The following ADH6 variants were observed in gnomAD, a reference collection of about 807,000 sequenced individuals.
ADH6 encodes alcohol dehydrogenase 6 (class V).
A neutral mutation model predicts 36.5 loss-of-function variants in ADH6; 34 were observed. The observed-to-expected ratio is 0.93, with a 90% CI of 0.71 to 1.24. The LOEUF is 1.24. ADH6 is among the 50% of genes most tolerant of loss of function. The probability of loss-of-function intolerance (pLI) is 0.00; values close to 1 mark genes in which losing one functional copy is unlikely to be tolerated. For synonymous variants in ADH6, 161 were observed against 155.5 expected, an observed-to-expected ratio of 1.04 and a Z score of -0.26; for missense variants, 440 against 447.0, an observed-to-expected ratio of 0.98 and a Z score of 0.14.
Position 99,208,758 on chromosome 4 carries a change from G to A in ADH6, c.738C>T (p.Asp246=). The A allele has an allele frequency of 1.2e-6, 2 of 1,613,826 alleles. No individual in the cohort carries two copies. Among genetic ancestry groups the A allele is most frequent in the East Asian group, 2.2e-5 (1 of 44,870 alleles). ...LGATECLNPQ[D]LKKPIQEVLF... The stretch of plus-strand genomic sequence containing the variant: ...AAACTTCTTGAATGGGTTTCTTTAA[G>A]TCCTGAGGGTTGAGGCACTCAGTAG... The change falls in exon 6 of 9, where the codon GAC becomes GAT. Residue 246 remains aspartate, a synonymous_variant. Coordinates refer to ENST00000394899, the MANE Select transcript of ADH6 (RefSeq NM_001102470.2).
rs1731304219 is a variant in ADH6, at chr4:99,213,672, T to C, written c.196A>G (p.Ile66Val). The C allele has an allele frequency of 7.4e-6, 12 of 1,614,008 alleles. No individual in the cohort carries two copies. Among genetic ancestry groups the C allele is most frequent in the Non-Finnish European group, 9.3e-6 (11 of 1,179,948 alleles). The change falls in exon 3 of 9, where the codon ATC becomes GTC. Residue 66 changes from isoleucine to valine, a missense_variant. Ile to Val is a conservative substitution (Grantham distance 29). Transcript: ENST00000394899. ...SKHLDLLYPT[I>V]LGHEGAGIVE... is the part of the protein sequence containing the mutation. ...ATTCCAGCCCCTTCATGGCCCAAGA[T>C]GGTGGGATACAAGAGGTCCAAGTGT...
chr4:99,204,892 C>T, intron 8 of ADH6, 33 bp downstream of exon 8: 1 of 1,585,318 alleles, frequency 6.3e-7, no homozygotes, highest in Non-Finnish European at 8.6e-7. Context: ...TGGTCTCAAA[C>T]ACACAGACAT....
In ADH6 at chr4:99,208,682, T is replaced by A; in HGVS notation, c.814A>T (p.Asn272Tyr). Residue 272 changes from asparagine (N) to tyrosine (Y), a missense_variant, in exon 6 of 9, where the codon AAT becomes TAT. By Grantham distance (143) the Asn-to-Tyr change is moderately radical. Coordinates refer to ENST00000394899, the MANE Select transcript of ADH6 (RefSeq NM_001102470.2). ...GIDFCFEAIG[N>Y]LDVLAAALAS... ...GGATTACATACCAGAACGTCCAGATTTCCAATGGCCTCAAAGCAGAAGTCT... is the reference window on the plus strand; with the variant it reads ...GGATTACATACCAGAACGTCCAGATATCCAATGGCCTCAAAGCAGAAGTCT... 6.2e-7 allele frequency: 1 copy of A among 1,613,006 alleles called. No individual in the cohort carries two copies. The highest frequency in any genetic ancestry group is 8.5e-7 in the Non-Finnish European group (1 of 1,179,474).
intron 6 of ADH6, among the ~76,000 whole-genome samples, chr4:99,207,820 G>A (rs1055085155): frequency 6.6e-6 from 1 of 151,884 alleles, no homozygotes. Context: ...TAACAAAAAT[G>A]AAAATAGTAA....
intron 3 of ADH6, among the ~76,000 whole-genome samples, chr4:99,211,847 G>A (rs1200974089): frequency 2.0e-5 from 3 of 152,058 alleles, no homozygotes; most frequent in African/African-American, 4.8e-5. Flanking sequence ...TCAGGGAGCC[G>A]ACCACTGGTG....
intron 6 of ADH6, 141 bp downstream of exon 6, chr4:99,208,527 A>G: frequency 1.1e-6 from 1 of 920,848 alleles, no homozygotes; most frequent in Non-Finnish European, 1.6e-6. Context: ...GAGTACACAG[A>G]CGGCACCAGC....
intron 1 of ADH6, among the ~76,000 whole-genome samples, chr4:99,217,733 T>C (rs1304089222): frequency 6.6e-6 from 1 of 152,156 alleles, no homozygotes; most frequent in African/African-American, 2.4e-5. Context: ...AGGTACCCAG[T>C]AGTGGGATTG....
rs981978567 is a variant in ADH6 at position 99,204,932 on chromosome 4, C to T, written c.1096G>A (p.Gly366Arg). The T allele has an allele frequency of 9.3e-6, 15 of 1,605,506 alleles. No homozygotes were observed. Among genetic ancestry groups the T allele is most frequent in the Non-Finnish European group, 1.3e-5 (15 of 1,176,456 alleles). ...TTTATGTGGGCAGTTTACCATTTTCCAGTTTTCATTAATTCAACTGCTTCA... is the reference window on the plus strand; with the variant it reads ...TTTATGTGGGCAGTTTACCATTTTCTAGTTTTCATTAATTCAACTGCTTCA... ...INEAVELMKT[G>R]KCIRCILLL Residue 366 changes from glycine to arginine, a missense_variant, in exon 8 of 9, where the codon GGA becomes AGA. Physicochemically the swap from Gly to Arg is moderately radical, Grantham distance 125. Transcript: ENST00000394899.
intron 6 of ADH6, 44 bp downstream of exon 6, chr4:99,208,623 GA>G: frequency 6.4e-7 from 1 of 1,557,076 alleles, no homozygotes; most frequent in Non-Finnish European, 8.7e-7. Context: ...TCTAAACGAT[GA>G]CTGGTAAAAG....
chr4:99,216,164 TATGCGAAC>T lies in ADH6; in HGVS notation c.109_116del (p.Val37LysfsTer18). ...TTTTTTTTTTTTTTTTTTTTACCTT[TATGCGAAC>T]TTCCTTTGCCTTTGGTGGGGCCACT... On this transcript the variant is annotated frameshift_variant, in exon 2 of 9. Coordinates refer to ENST00000394899, the MANE Select transcript of ADH6 (RefSeq NM_001102470.2). LOFTEE classifies it high-confidence loss of function. 1 of 1,464,222 alleles carries T rather than the reference TATGCGAAC, an allele frequency of 6.8e-7. No individual in the cohort carries two copies. The allele number at this position is 1,464,222 out of a possible 1,614,324, so 90.7% of individuals were successfully genotyped here. A position where few individuals can be genotyped will look rare whatever the true frequency, so the allele number is the denominator to read the frequency against.
intron 8 of ADH6, 135 bp downstream of exon 8, chr4:99,204,789 AC>A: frequency 7.5e-7 from 1 of 1,338,814 alleles, no homozygotes; most frequent in Non-Finnish European, 9.6e-7. Context: ...GAGATGCTTT[AC>A]AAATTCCTGA....
chr4:99,206,162 AGT>A lies in ADH6; in HGVS notation c.965-1101_965-1100del. ...TCTAGGACCACAGACGGGACTAGGC[AGT>A]GTTTCTCAACAAGGGCACTACTGGC... On this transcript the variant is annotated intron_variant, in intron 7 of 8. Coordinates refer to ENST00000394899, the MANE Select transcript of ADH6 (RefSeq NM_001102470.2). 5.3e-5 allele frequency among the ~76,000 whole-genome samples: 8 copies of A among 152,272 alleles called. 2 individuals carry two copies. The highest frequency in any genetic ancestry group is 5.2e-4 in the Admixed American group (8 of 15,290).
At chr4:99,213,063 T>C (rs1190617163) in intron 3 of ADH6, among the ~76,000 whole-genome samples, 3 of 152,158 alleles carry the variant, frequency 2.0e-5, no homozygotes, top group Non-Finnish European at 4.4e-5. Context: ...AATTTTTAGA[T>C]GCATGTATAA....
At chr4:99,219,095 C>A (rs1420411381) in intron 1 of ADH6, 40 bp downstream of exon 1, 7 of 1,598,768 alleles carry the variant, frequency 4.4e-6, no homozygotes, top group South Asian at 3.3e-5. Context: ...CACAAACTGA[C>A]AAAGATATGA....
chr4:99,209,681 A>G (rs1300646010), intron 5 of ADH6, among the ~76,000 whole-genome samples: 1 of 152,150 alleles, frequency 6.6e-6, no homozygotes, highest in Admixed American at 6.6e-5. Flanking sequence ...ATCATGCAAT[A>G]TAATATTAGC....
intron 1 of ADH6, among the ~76,000 whole-genome samples, chr4:99,217,538 A>T (rs890848966): frequency 6.6e-6 from 1 of 152,182 alleles, no homozygotes; most frequent in Non-Finnish European, 1.5e-5. Context: ...GTTGCTGCAG[A>T]TGACAGGATC....
chr4:99,212,965 T>G (rs1731276948), intron 3 of ADH6, among the ~76,000 whole-genome samples: 1 of 150,330 alleles, frequency 6.7e-6, no homozygotes, highest in Non-Finnish European at 1.5e-5. Flanking sequence ...TTTTTTGTAT[T>G]GATTAAAATT....
chr4:99,215,494 A>T (rs1467037943), intron 2 of ADH6, among the ~76,000 whole-genome samples: 1 of 152,158 alleles, frequency 6.6e-6, no homozygotes, highest in Non-Finnish European at 1.5e-5. Context: ...TGGAGATGGG[A>T]CTTGGTTATC....
At chr4:99,211,298 C>T (rs1731218173) in intron 3 of ADH6, among the ~76,000 whole-genome samples, 1 of 152,108 alleles carries the variant, frequency 6.6e-6, no homozygotes, top group Non-Finnish European at 1.5e-5. Context: ...ACTGTAACCC[C>T]TTTAAAAATG....
Sources: gnomAD v4.1 joint callset for allele counts (sites outside exome capture counted in the v4.1 genomes callset) on GRCh38, gnomAD v4.1.1 for gene constraint, MANE v1.5 for transcripts, NCBI Gene and HGNC (gene_info 2026-07-23, HGNC 2026-07-21) for gene names.